The following NAV3 variants were observed in gnomAD, a reference collection of about 807,000 sequenced individuals.
The protein encoded by NAV3 is neuron navigator 3.
In NAV3, 87 loss-of-function variants were observed where a neutral mutation model predicts 244.7. The observed-to-expected ratio is 0.36, with a 90% CI of 0.30 to 0.42. The LOEUF (loss-of-function observed/expected upper bound fraction) is 0.42, where lower values mean the gene tolerates loss of function less well. Among genes scored for constraint, NAV3 ranks in the 20% least tolerant of loss-of-function variants. The probability of loss-of-function intolerance (pLI) is 1.00; values close to 1 mark genes in which losing one functional copy is unlikely to be tolerated. For synonymous variants in NAV3, 1,126 were observed against 1,042.2 expected (o/e 1.08, Z -1.55); for missense variants, 2,663 against 2,893.3 (o/e 0.92, Z 1.83).
chr12:78,079,060 T>C (rs1357282746), intron 12 of NAV3, among the ~76,000 whole-genome samples: 1 of 152,190 alleles, frequency 6.6e-6, no homozygotes, highest in Admixed American at 6.5e-5. Flanking sequence ...CACTCAGAAT[T>C]GACTCCAAAA....
At chr12:77,607,809 A>G (rs1870738563) in intron 2 of NAV3, among the ~76,000 whole-genome samples, 1 of 152,100 alleles carries the variant, frequency 6.6e-6, no homozygotes, top group South Asian at 2.1e-4. Flanking sequence ...CTTACACAGA[A>G]TGTAAACATT....
At chr12:77,768,059 T>A (rs1869870653) in intron 2 of NAV3, among the ~76,000 whole-genome samples, 1 of 152,164 alleles carries the variant, frequency 6.6e-6, no homozygotes, top group South Asian at 2.1e-4. Context: ...TTCCAACAAG[T>A]GTGCAGCCCT....
At chr12:77,719,959 A>T (rs1319264431) in intron 2 of NAV3, among the ~76,000 whole-genome samples, 1 of 151,838 alleles carries the variant, frequency 6.6e-6, no homozygotes, top group Non-Finnish European at 1.5e-5. Flanking sequence ...ATTTTCTTTT[A>T]TTACTGATTC....
chr12:77,766,187 T>C (rs1869742862), intron 2 of NAV3, among the ~76,000 whole-genome samples: 1 of 152,134 alleles, frequency 6.6e-6, no homozygotes, highest in African/African-American at 2.4e-5. Context: ...TTTATCACAC[T>C]AGGGAAAAGA....
At chr12:77,878,632 T>C (rs146171245) in intron 1 of NAV3, among the ~76,000 whole-genome samples, 22 of 151,674 alleles carry the variant, frequency 1.5e-4, no homozygotes, top group Non-Finnish European at 5.9e-5. Context: ...ATGGAAACTG[T>C]ATTATCTTCT....
intron 2 of NAV3, among the ~76,000 whole-genome samples, chr12:77,741,372 G>A (rs1369291308): frequency 1.3e-5 from 2 of 151,978 alleles, no homozygotes; most frequent in Non-Finnish European, 2.9e-5. Flanking sequence ...TTGTTACTAA[G>A]TTATTTTTTA....
chr12:78,098,632 A>C (rs990279261), intron 12 of NAV3, among the ~76,000 whole-genome samples: 2 of 151,998 alleles, frequency 1.3e-5, no homozygotes, highest in South Asian at 2.1e-4. Flanking sequence ...TATGGAGTTG[A>C]CTGAAACATT....
intron 23 of NAV3, among the ~76,000 whole-genome samples, chr12:78,163,345 G>T (rs1957645659): frequency 6.6e-6 from 1 of 152,010 alleles, no homozygotes; most frequent in African/African-American, 2.4e-5. Flanking sequence ...GCAGAACACT[G>T]GTTTTATATA....
intron 2 of NAV3, among the ~76,000 whole-genome samples, chr12:77,704,763 G>C (rs1032870742): frequency 6.6e-6 from 1 of 152,172 alleles, no homozygotes; most frequent in Non-Finnish European, 1.5e-5. Flanking sequence ...AAGTAGATCA[G>C]AGAAGGCATA....
chr12:77,856,275 T>C (rs1001162269), intron 1 of NAV3, among the ~76,000 whole-genome samples: 3 of 152,190 alleles, frequency 2.0e-5, no homozygotes, highest in Admixed American at 2.0e-4. Context: ...TTATTTGTTC[T>C]TGTGACATGT....
At chr12:78,032,990 T>A (rs1879253197) in intron 9 of NAV3, among the ~76,000 whole-genome samples, 1 of 152,206 alleles carries the variant, frequency 6.6e-6, no homozygotes, top group Admixed American at 6.5e-5. Context: ...CTGGAATTTA[T>A]ATTCAACTGA....
chr12:78,147,921 T>G (rs1956928075), intron 21 of NAV3, among the ~76,000 whole-genome samples: 1 of 152,092 alleles, frequency 6.6e-6, no homozygotes, highest in South Asian at 2.1e-4. Flanking sequence ...TGAGACTAGA[T>G]ATATACTTAT....
At chr12:78,209,265 C>T (rs1300144763) in intron 39 of NAV3, among the ~76,000 whole-genome samples, 1 of 152,060 alleles carries the variant, frequency 6.6e-6, no homozygotes, top group African/African-American at 2.4e-5. Flanking sequence ...ATCAAGCACA[C>T]TTTCTGTAAA....
chr12:77,754,500 A>G (rs1316872281), intron 2 of NAV3, among the ~76,000 whole-genome samples: 1 of 152,184 alleles, frequency 6.6e-6, no homozygotes, highest in Non-Finnish European at 1.5e-5. Context: ...CATGTTATCA[A>G]TTCACAGCAT....
At chr12:78,079,236 T>A (rs1363425286) in intron 12 of NAV3, among the ~76,000 whole-genome samples, 1 of 152,320 alleles carries the variant, frequency 6.6e-6, no homozygotes, top group Non-Finnish European at 1.5e-5. Context: ...GTCTTTTTTT[T>A]ATTTTTAAAT....
chr12:77,758,197 A>G (rs1238656939), intron 2 of NAV3, among the ~76,000 whole-genome samples: 2 of 152,170 alleles, frequency 1.3e-5, no homozygotes, highest in African/African-American at 4.8e-5. Context: ...AAATCTTTTC[A>G]TCACTCTCTA....
chr12:77,660,457 A>T (rs1213585958), intron 2 of NAV3, among the ~76,000 whole-genome samples: 1 of 152,196 alleles, frequency 6.6e-6, no homozygotes, highest in African/African-American at 2.4e-5. Context: ...TGGATTAGAC[A>T]TACTTCTTCA....
chr12:77,610,080 A>C (rs1284149275), intron 2 of NAV3, among the ~76,000 whole-genome samples: 1 of 151,898 alleles, frequency 6.6e-6, no homozygotes, highest in East Asian at 1.9e-4. Flanking sequence ...TTTTCAATGT[A>C]TTTTTGTTTA....
chr12:77,864,490 A>G (rs1279332929), intron 1 of NAV3, among the ~76,000 whole-genome samples: 2 of 151,966 alleles, frequency 1.3e-5, no homozygotes, highest in East Asian at 1.9e-4. Flanking sequence ...CACCCTACAT[A>G]GTAAATAAAT....
Sources: allele counts gnomAD v4.1 joint callset (sites outside exome capture counted in the v4.1 genomes callset), GRCh38; gene constraint gnomAD v4.1.1; transcripts MANE v1.5; gene names NCBI Gene and HGNC (gene_info 2026-07-23, HGNC 2026-07-21).